Variants in ZFAND6 observed in about 807,000 individuals in gnomAD.
ZFAND6 encodes AN1-type zinc finger protein 6.
A neutral mutation model predicts 24.5 loss-of-function variants in ZFAND6; 12 were observed. That is an observed-to-expected ratio of 0.49 (90% CI 0.31 to 0.79). ZFAND6 has a LOEUF of 0.79. Ranked by LOEUF, ZFAND6 falls within the 30% of genes least tolerant of loss-of-function variation. ZFAND6 has a pLI of 0.04. For missense variants in ZFAND6, 207 were observed against 245.9 expected, an observed-to-expected ratio of 0.84 and a Z score of 1.06; for synonymous variants, 92 against 81.5, an observed-to-expected ratio of 1.13 and a Z score of -0.69.
chr15:80,101,419 C>T (rs1412815738), intron 2 of ZFAND6, among the ~76,000 whole-genome samples: 2 of 151,972 alleles, frequency 1.3e-5, no homozygotes, highest in Non-Finnish European at 2.9e-5. Context: ...GTGGAAATTG[C>T]GCCATTGCAC....
chr15:80,080,543 T>G (rs1181213299), intron 1 of ZFAND6, among the ~76,000 whole-genome samples: 3 of 152,234 alleles, frequency 2.0e-5, no homozygotes, highest in Non-Finnish European at 4.4e-5. Flanking sequence ...CCCTCCCTCT[T>G]TCTCTCAAAA....
chr15:80,102,969 T>A (rs990349075), intron 2 of ZFAND6, among the ~76,000 whole-genome samples: 1 of 152,244 alleles, frequency 6.6e-6, no homozygotes, highest in Non-Finnish European at 1.5e-5. Context: ...ATAGCCTTGG[T>A]ACTTTTTATG....
chr15:80,089,271 T>TG (rs1327898298), intron 1 of ZFAND6, among the ~76,000 whole-genome samples: 2 of 139,520 alleles, frequency 1.4e-5, no homozygotes, highest in Non-Finnish European at 3.1e-5. Flanking sequence ...TTTTTTTTTT[T>TG]TTTTTTTTTT....
At chr15:80,097,255 C>CT (rs1353636212) in intron 1 of ZFAND6, among the ~76,000 whole-genome samples, 1 of 152,092 alleles carries the variant, frequency 6.6e-6, no homozygotes, top group African/African-American at 2.4e-5. Flanking sequence ...CTGCCTCAGC[C>CT]TCCCAAAGTG....
intron 1 of ZFAND6, among the ~76,000 whole-genome samples, chr15:80,093,136 T>G (rs2038490459): frequency 6.6e-6 from 1 of 151,782 alleles, no homozygotes; most frequent in Non-Finnish European, 1.5e-5. Flanking sequence ...TGTGTGTGTG[T>G]GTGTGTTTTT....
rs117414213 is a variant in ZFAND6, at chr15:80,114,391, C to T, written c.-17-5937C>T. ...TGCTCGGGTTAAATTATGTGAAGGA[C>T]GAATGCTAGGTTGAGTACTCCTCTC... On this transcript the variant is annotated intron_variant, in intron 2 of 6. Transcript: ENST00000261749. Among the ~76,000 whole-genome samples the T allele has an allele frequency of 2.0e-4, 31 of 152,148 alleles. No homozygotes were observed. In the East Asian group the frequency reaches 5.0e-3, roughly 25 times the overall value.
intron 1 of ZFAND6, among the ~76,000 whole-genome samples, chr15:80,074,965 C>T (rs1433147019): frequency 1.3e-5 from 2 of 151,936 alleles, no homozygotes; most frequent in Admixed American, 1.3e-4. Context: ...AGTAGTTGAG[C>T]ATGTATGGTA....
chr15:80,126,700 A>G (rs981894081), intron 5 of ZFAND6, among the ~76,000 whole-genome samples: 3 of 152,234 alleles, frequency 2.0e-5, no homozygotes, highest in African/African-American at 7.2e-5. Flanking sequence ...TAAAGCAGGT[A>G]TACATTTTTG....
In ZFAND6 at chr15:80,131,212, G is replaced by A. The variant is rs2040585834; in HGVS notation, c.397G>A (p.Glu133Lys). ...ATCAGACACAGCACAGCAGCCATCT[G>A]AAGAGCAAAGCAAGTCTCTTGAAAA... ...SVSDTAQQPSEEQSKSLEKPK... is the reference protein window; with the variant it reads ...SVSDTAQQPSKEQSKSLEKPK... Residue 133 changes from glutamate (E) to lysine (K), a missense_variant, in exon 6 of 7, where the codon GAA becomes AAA. Physicochemically the swap from Glu to Lys is moderately conservative, Grantham distance 56. Around this residue, in one of 3 missense-constraint regions of ZFAND6, gnomAD observed 133 missense variants for 122.8 expected, o/e 1.08. Transcript: ENST00000261749. The A allele has an allele frequency of 1.2e-6, 2 of 1,611,462 alleles. No homozygotes were observed. Among genetic ancestry groups the A allele is most frequent in the African/African-American group, 1.3e-5 (1 of 74,990 alleles).
intron 5 of ZFAND6, among the ~76,000 whole-genome samples, chr15:80,128,306 T>G (rs558781541): frequency 1.3e-5 from 2 of 152,194 alleles, no homozygotes; most frequent in East Asian, 3.9e-4. Context: ...CTTTAAAGAG[T>G]GAATTTTATG....
intron 1 of ZFAND6, among the ~76,000 whole-genome samples, chr15:80,086,263 C>G (rs1296414665): frequency 6.6e-6 from 1 of 152,126 alleles, no homozygotes; most frequent in Non-Finnish European, 1.5e-5. Flanking sequence ...GTCTCAAACT[C>G]CCGACCTCAG....
intron 2 of ZFAND6, among the ~76,000 whole-genome samples, chr15:80,105,645 G>A (rs142759990): frequency 6.6e-6 from 1 of 152,250 alleles, no homozygotes; most frequent in African/African-American, 2.4e-5. Context: ...AAGTACTTCA[G>A]GCTAAGCACT....
intron 2 of ZFAND6, among the ~76,000 whole-genome samples, chr15:80,102,180 A>C (rs1024482736): frequency 1.4e-5 from 2 of 146,774 alleles, no homozygotes; most frequent in Non-Finnish European, 3.0e-5. Flanking sequence ...ATGGAGTTTC[A>C]CTCTTGTTGC....
chr15:80,082,360 G>T (rs2141861230), intron 1 of ZFAND6, among the ~76,000 whole-genome samples: 1 of 152,320 alleles, frequency 6.6e-6, no homozygotes, highest in Non-Finnish European at 1.5e-5. Context: ...TTTATAGAGA[G>T]ATAGGAAAAA....
intron 1 of ZFAND6, among the ~76,000 whole-genome samples, chr15:80,071,965 A>T (rs1389397048): frequency 6.6e-6 from 1 of 152,036 alleles, no homozygotes; most frequent in East Asian, 1.9e-4. Flanking sequence ...ATGTCACTGA[A>T]ATTTCTACTC....
At chr15:80,074,597 A>T (rs1276047471) in intron 1 of ZFAND6, among the ~76,000 whole-genome samples, 1 of 151,874 alleles carries the variant, frequency 6.6e-6, no homozygotes, top group Non-Finnish European at 1.5e-5. Context: ...GAAACAGATA[A>T]CTTTTATGAA....
chr15:80,062,032 TAA>T (rs1324529786), intron 1 of ZFAND6, among the ~76,000 whole-genome samples: 1 of 152,204 alleles, frequency 6.6e-6, no homozygotes, highest in South Asian at 2.1e-4. Flanking sequence ...AGTCACATTG[TAA>T]AAAGTCTGGC....
At chr15:80,135,844 G>A (rs577120306) in intron 6 of ZFAND6, among the ~76,000 whole-genome samples, 1 of 152,228 alleles carries the variant, frequency 6.6e-6, no homozygotes, top group South Asian at 2.1e-4. Flanking sequence ...ATACAAACAT[G>A]GCCCAGTGCA....
In ZFAND6 at chr15:80,076,043, C is replaced by T. The variant is rs763184531; in HGVS notation, c.-181+16234C>T. 1.1e-4 allele frequency among the ~76,000 whole-genome samples: 17 copies of T among 152,098 alleles called. 1 individual carries two copies. The highest frequency in any genetic ancestry group is 2.4e-4 in the Non-Finnish European group (16 of 67,986). On this transcript the variant is annotated intron_variant, in intron 1 of 6. Coordinates refer to ENST00000261749, the MANE Select transcript of ZFAND6 (RefSeq NM_019006.4). ...TGTCTGTGCTTTCCTCATTAGTGAT[C>T]TCTGTGTCTTTTGCAAATGTTTCTC...
Sources: gnomAD v4.1 joint callset for allele counts (sites outside exome capture counted in the v4.1 genomes callset) on GRCh38, gnomAD v4.1.1 for gene constraint, gnomAD v4.1.1 regional missense constraint, MANE v1.5 for transcripts, NCBI Gene and HGNC (gene_info 2026-07-23, HGNC 2026-07-21) for gene names.